WWOX: variants seen among roughly 807,000 people sequenced by gnomAD.
WWOX encodes the protein WW domain containing oxidoreductase.
Under a neutral mutation model 46.2 loss-of-function variants are expected in WWOX, and 69 were observed. The ratio of observed to expected loss-of-function variants is 1.49; its 90% CI spans 1.23 to 1.82. WWOX has a LOEUF of 1.82. Among genes scored for constraint, WWOX ranks in the 40% most tolerant of loss-of-function variants. The pLI, the probability that WWOX is intolerant of heterozygous loss-of-function variation, is 0.00. For missense variants in WWOX, 919 were observed against 542.6 expected (o/e 1.69, Z -6.89); for synonymous variants, 359 against 202.6 (o/e 1.77, Z -6.56).
intron 8 of WWOX, among the ~76,000 whole-genome samples, chr16:78,654,252 T>C (rs1477927706): frequency 2.6e-5 from 4 of 152,232 alleles, no homozygotes; most frequent in Admixed American, 1.3e-4. Context: ...TCAGATTCTT[T>C]ATTGGTAAAT....
chr16:78,731,538 T>C (rs1371517899), intron 8 of WWOX, among the ~76,000 whole-genome samples: 1 of 152,180 alleles, frequency 6.6e-6, no homozygotes, highest in African/African-American at 2.4e-5. Context: ...CATTCCTTCT[T>C]ATCTATCCCT....
At chr16:79,131,614 A>C (rs189471349) in intron 8 of WWOX, among the ~76,000 whole-genome samples, 1 of 152,292 alleles carries the variant, frequency 6.6e-6, no homozygotes, top group East Asian at 1.9e-4. Flanking sequence ...AGTTAAAGTC[A>C]CACTGGAAGG....
chr16:78,666,667 G>C (rs1199003000), intron 8 of WWOX, among the ~76,000 whole-genome samples: 4 of 152,208 alleles, frequency 2.6e-5, no homozygotes, highest in African/African-American at 9.7e-5. Context: ...ATCTTGGGAA[G>C]GGCCATCGTG....
chr16:79,055,084 G>C (rs766956888), intron 8 of WWOX, among the ~76,000 whole-genome samples: 7 of 152,070 alleles, frequency 4.6e-5, no homozygotes, highest in African/African-American at 7.2e-5. Flanking sequence ...TTCAATAATA[G>C]CCAGTGAATA....
intron 8 of WWOX, among the ~76,000 whole-genome samples, chr16:78,726,315 C>G (rs2048835995): frequency 6.6e-6 from 1 of 151,748 alleles, no homozygotes; most frequent in South Asian, 2.1e-4. Flanking sequence ...GCCTCAACCT[C>G]CTGGGGTCAA....
In WWOX at chr16:79,038,394, C is replaced by T. The variant is rs372179032; in HGVS notation, c.1057-173214C>T. Among the ~76,000 whole-genome samples the T allele has an allele frequency of 4.6e-5, 7 of 152,002 alleles. No individual in the cohort carries two copies. In the East Asian group the frequency reaches 7.7e-4, roughly 17 times the overall value. Reference sequence around the variant, plus strand: ...ACGAAGGAAGAAAAATTCTGTGAGTCTAATTATGGAAAAAATTACTAAGAT... The same window carrying T: ...ACGAAGGAAGAAAAATTCTGTGAGTTTAATTATGGAAAAAATTACTAAGAT... On this transcript the variant is annotated intron_variant, in intron 8 of 8. Transcript: ENST00000566780.
chr16:78,466,251 T>G (rs867745399), intron 8 of WWOX, among the ~76,000 whole-genome samples: 1 of 152,054 alleles, frequency 6.6e-6, no homozygotes. Flanking sequence ...CAGGATGGTC[T>G]CGATCTCCTG....
rs538392671 is a variant in WWOX at position 79,118,357 on chromosome 16, C to CA, written c.1057-93245dup. Among the ~76,000 whole-genome samples the CA allele has an allele frequency of 5.3e-5, 8 of 152,042 alleles. No individual in the cohort carries two copies. The East Asian group carries it at 7.7e-4, about 15-fold the overall frequency. On this transcript the variant is annotated intron_variant, in intron 8 of 8. Transcript: ENST00000566780. ...GATATGGGTGCAGTTTGTGGTGCCC[C>CA]AAAAAATGACAATGGGGACATCAAA...
chr16:78,608,399 T>C (rs1421152983), intron 8 of WWOX, among the ~76,000 whole-genome samples: 1 of 152,228 alleles, frequency 6.6e-6, no homozygotes, highest in East Asian at 1.9e-4. Flanking sequence ...CAAATGCCTG[T>C]GCTACATAAC....
At chr16:78,920,751 T>A (rs1292508217) in intron 8 of WWOX, among the ~76,000 whole-genome samples, 1 of 152,144 alleles carries the variant, frequency 6.6e-6, no homozygotes, top group East Asian at 1.9e-4. Context: ...CACCATTTCA[T>A]CTGCAAAACA....
chr16:78,595,851 C>T (rs1597323400), intron 8 of WWOX, among the ~76,000 whole-genome samples: 1 of 152,230 alleles, frequency 6.6e-6, no homozygotes, highest in Non-Finnish European at 1.5e-5. Flanking sequence ...TTGTTGTTAA[C>T]TGTATTCACC....
intron 8 of WWOX, among the ~76,000 whole-genome samples, chr16:78,769,082 C>G (rs1051332000): frequency 6.6e-6 from 1 of 152,126 alleles, no homozygotes; most frequent in Non-Finnish European, 1.5e-5. Flanking sequence ...GGCCACAAGG[C>G]CATCTTTATA....
intron 6 of WWOX, among the ~76,000 whole-genome samples, chr16:78,393,702 A>T (rs552997391): frequency 2.0e-5 from 3 of 152,272 alleles, no homozygotes; most frequent in African/African-American, 7.2e-5. Flanking sequence ...TAAAATAATT[A>T]CCCAAGTCCA....
chr16:78,507,676 C>T (rs149078514), intron 8 of WWOX, among the ~76,000 whole-genome samples: 6 of 152,240 alleles, frequency 3.9e-5, no homozygotes, highest in African/African-American at 1.4e-4. Context: ...CAGCATTGCA[C>T]CTCTTGGCAT....
chr16:78,202,316 G>C (rs1597346813), intron 5 of WWOX, among the ~76,000 whole-genome samples: 1 of 152,216 alleles, frequency 6.6e-6, no homozygotes, highest in Non-Finnish European at 1.5e-5. Flanking sequence ...GGAATGAAGG[G>C]TGGTTCTCCA....
intron 8 of WWOX, among the ~76,000 whole-genome samples, chr16:78,828,474 C>T (rs888792139): frequency 2.6e-5 from 4 of 152,024 alleles, no homozygotes; most frequent in African/African-American, 9.7e-5. Flanking sequence ...TGTGGGGTGT[C>T]TACCATCTAA....
chr16:78,357,849 G>T (rs1475912901), intron 5 of WWOX, among the ~76,000 whole-genome samples: 1 of 152,172 alleles, frequency 6.6e-6, no homozygotes, highest in Non-Finnish European at 1.5e-5. Flanking sequence ...CATCCAAATA[G>T]CTAACCAGTA....
intron 8 of WWOX, among the ~76,000 whole-genome samples, chr16:78,808,601 C>A (rs1445662625): frequency 6.6e-6 from 1 of 152,160 alleles, no homozygotes; most frequent in Non-Finnish European, 1.5e-5. Context: ...AGGCCTCTTC[C>A]TCACTGCTTC....
intron 8 of WWOX, among the ~76,000 whole-genome samples, chr16:78,828,701 G>T (rs751928704): frequency 6.6e-6 from 1 of 152,046 alleles, no homozygotes; most frequent in African/African-American, 2.4e-5. Context: ...TATGTGCAGG[G>T]AACTGTATTA....
Sources: allele counts gnomAD v4.1 joint callset (sites outside exome capture counted in the v4.1 genomes callset), GRCh38; gene constraint gnomAD v4.1.1; transcripts MANE v1.5; gene names NCBI Gene and HGNC (gene_info 2026-07-23, HGNC 2026-07-21).